The following RBFOX1 variants were observed in gnomAD, a reference collection of about 807,000 sequenced individuals.
The protein encoded by RBFOX1 is RNA binding protein fox-1 homolog 1.
In RBFOX1, 8 loss-of-function variants were observed where a neutral mutation model predicts 57.7. That is an observed-to-expected ratio of 0.14 (90% CI 0.08 to 0.25). The LOEUF (loss-of-function observed/expected upper bound fraction) is 0.25, where lower values mean the gene tolerates loss of function less well. Among genes scored for constraint, RBFOX1 ranks in the 10% least tolerant of loss-of-function variants. The pLI, the probability that RBFOX1 is intolerant of heterozygous loss-of-function variation, is 1.00. For synonymous variants in RBFOX1, 326 were observed against 222.4 expected (o/e 1.47, Z -4.15); for missense variants, 611 against 548.5 (o/e 1.11, Z -1.14).
intron 4 of RBFOX1, among the ~76,000 whole-genome samples, chr16:7,232,554 T>A: frequency 6.6e-6 from 1 of 152,072 alleles, no homozygotes; most frequent in East Asian, 1.9e-4. Context: ...AAGAATGAGA[T>A]AACAGGCCAG....
chr16:7,105,571 A>G (rs2063432867), intron 4 of RBFOX1, among the ~76,000 whole-genome samples: 1 of 152,068 alleles, frequency 6.6e-6, no homozygotes. Context: ...GAGTGAGAAC[A>G]TACAACGTTT....
intron 2 of RBFOX1, among the ~76,000 whole-genome samples, chr16:6,463,826 C>T (rs2094976891): frequency 6.6e-6 from 1 of 152,182 alleles, no homozygotes; most frequent in Admixed American, 6.5e-5. Flanking sequence ...ACAATCCCCA[C>T]TGTTAGAAGG....
chr16:7,641,304 C>G (rs937259716), intron 11 of RBFOX1, among the ~76,000 whole-genome samples: 1 of 152,152 alleles, frequency 6.6e-6, no homozygotes, highest in Non-Finnish European at 1.5e-5. Flanking sequence ...GCCTCTCATC[C>G]AAGGGAAAAA....
intron 4 of RBFOX1, among the ~76,000 whole-genome samples, chr16:7,378,279 G>C (rs1242584835): frequency 2.0e-5 from 3 of 152,116 alleles, no homozygotes; most frequent in African/African-American, 7.2e-5. Flanking sequence ...AAGGAGGATC[G>C]GGAGGCAAGG....
At chr16:6,659,592 A>G (rs2098688428) in intron 3 of RBFOX1, among the ~76,000 whole-genome samples, 1 of 152,158 alleles carries the variant, frequency 6.6e-6, no homozygotes, top group Non-Finnish European at 1.5e-5. Flanking sequence ...GAGATCACTC[A>G]AGCATGAGAC....
intron 4 of RBFOX1, among the ~76,000 whole-genome samples, chr16:7,059,720 T>G (rs2053644419): frequency 6.6e-6 from 1 of 152,176 alleles, no homozygotes; most frequent in African/African-American, 2.4e-5. Flanking sequence ...GCATCCTATG[T>G]AGTGACTGTT....
rs531881740 is a variant in RBFOX1, at chr16:6,545,804, G to A, written c.-63-108799G>A. Among the ~76,000 whole-genome samples the A allele has an allele frequency of 7.9e-5, 12 of 152,324 alleles. No individual in the cohort carries two copies. In the South Asian group the frequency reaches 2.3e-3, roughly 29 times the overall value. ...AAGGCATATAGTGGACAGCCTCAAA[G>A]CTATAGGAGAGTAATCTAAAGCCCA... On this transcript the variant is annotated intron_variant, in intron 2 of 15. Coordinates refer to ENST00000550418, the MANE Select transcript of RBFOX1 (RefSeq NM_018723.4).
intron 4 of RBFOX1, among the ~76,000 whole-genome samples, chr16:5,924,705 C>G (rs181721059): frequency 6.6e-6 from 1 of 152,284 alleles, no homozygotes; most frequent in South Asian, 2.1e-4. Context: ...CCTATGTATT[C>G]TTTTATAGCA....
At chr16:6,919,362 C>T (rs1364970263) in intron 3 of RBFOX1, among the ~76,000 whole-genome samples, 1 of 152,102 alleles carries the variant, frequency 6.6e-6, no homozygotes, top group African/African-American at 2.4e-5. Flanking sequence ...TAATTCCTCA[C>T]AACAGCCCAG....
intron 2 of RBFOX1, among the ~76,000 whole-genome samples, chr16:6,498,490 G>A (rs2095834172): frequency 6.6e-6 from 1 of 152,094 alleles, no homozygotes; most frequent in Non-Finnish European, 1.5e-5. Flanking sequence ...GAAGGATATT[G>A]GGGCTTGGTT....
intron 3 of RBFOX1, among the ~76,000 whole-genome samples, chr16:6,688,183 A>G (rs1156783111): frequency 6.8e-6 from 1 of 146,650 alleles, no homozygotes. Flanking sequence ...GTCATGGTGG[A>G]AAAAAAAAAA....
chr16:6,454,026 C>T (rs963354814), intron 2 of RBFOX1, among the ~76,000 whole-genome samples: 1 of 152,190 alleles, frequency 6.6e-6, no homozygotes, highest in Admixed American at 6.5e-5. Context: ...AGATGGCCGT[C>T]TTCTCTCTGG....
At chr16:5,412,136 A>G (rs140196116) in intron 1 of RBFOX1, among the ~76,000 whole-genome samples, 31 of 152,048 alleles carry the variant, frequency 2.0e-4, no homozygotes, top group African/African-American at 7.2e-4. Flanking sequence ...TTCTCTGGAC[A>G]GAGGTCAAAC....
intron 1 of RBFOX1, among the ~76,000 whole-genome samples, chr16:5,394,665 A>G (rs1358884865): frequency 6.6e-6 from 1 of 150,474 alleles, no homozygotes; most frequent in African/African-American, 2.4e-5. Flanking sequence ...GGGCCCAAGC[A>G]ATCCTCCTAA....
At chr16:6,244,758 T>C (rs1320979922) in intron 1 of RBFOX1, among the ~76,000 whole-genome samples, 1 of 152,186 alleles carries the variant, frequency 6.6e-6, no homozygotes, top group Non-Finnish European at 1.5e-5. Flanking sequence ...TCCACCTTCC[T>C]TGACCTCCCA....
intron 3 of RBFOX1, among the ~76,000 whole-genome samples, chr16:6,733,722 C>T (rs2069277538): frequency 6.6e-6 from 1 of 152,036 alleles, no homozygotes; most frequent in Admixed American, 6.6e-5. Context: ...CACACCACTG[C>T]ACTCCAGCCC....
intron 1 of RBFOX1, among the ~76,000 whole-genome samples, chr16:5,441,719 C>G (rs995882149): frequency 6.6e-6 from 1 of 152,096 alleles, no homozygotes; most frequent in Middle Eastern, 3.2e-3. Flanking sequence ...CCTCAGGAAA[C>G]TTACAATCAT....
At chr16:6,589,732 G>C (rs769375576) in intron 2 of RBFOX1, among the ~76,000 whole-genome samples, 34 of 152,136 alleles carry the variant, frequency 2.2e-4, no homozygotes, top group Non-Finnish European at 4.7e-4. Context: ...TTGGGGAAAG[G>C]GCTGTTCTCA....
chr16:7,441,679 CAA>C (rs949137010), intron 4 of RBFOX1, among the ~76,000 whole-genome samples: 1 of 152,086 alleles, frequency 6.6e-6, no homozygotes, highest in East Asian at 1.9e-4. Flanking sequence ...TGGCTTCTTG[CAA>C]AAAAATCAGA....
Sources: allele counts gnomAD v4.1 joint callset (sites outside exome capture counted in the v4.1 genomes callset), GRCh38; gene constraint gnomAD v4.1.1; transcripts MANE v1.5; gene names NCBI Gene and HGNC (gene_info 2026-07-23, HGNC 2026-07-21).